DPYD: variants seen among roughly 807,000 people sequenced by gnomAD.
DPYD encodes dihydropyrimidine dehydrogenase.
DPYD carries 109 observed loss-of-function variants against 116.2 expected under a neutral mutation model. The ratio of observed to expected loss-of-function variants is 0.94; its 90% CI spans 0.80 to 1.10. DPYD has a LOEUF of 1.10. DPYD is among the 50% of genes least tolerant of loss of function. The pLI, the probability that DPYD is intolerant of heterozygous loss-of-function variation, is 0.00. For synonymous variants in DPYD, 440 were observed against 432.0 expected, an observed-to-expected ratio of 1.02 and a Z score of -0.23; for missense variants, 1,302 against 1,254.5, an observed-to-expected ratio of 1.04 and a Z score of -0.57.
chr1:97,117,425 G>C (rs1188566373), intron 20 of DPYD, among the ~76,000 whole-genome samples: 1 of 152,104 alleles, frequency 6.6e-6, no homozygotes, highest in East Asian at 1.9e-4. Context: ...AACTGCAGAG[G>C]ACATTTACAG....
At chr1:97,873,027 G>A (rs1671735308) in intron 2 of DPYD, among the ~76,000 whole-genome samples, 1 of 151,662 alleles carries the variant, frequency 6.6e-6, no homozygotes, top group Non-Finnish European at 1.5e-5. Context: ...TCCTCAGGGA[G>A]GCCAACCTTG....
intron 12 of DPYD, among the ~76,000 whole-genome samples, chr1:97,518,322 G>C (rs376462233): frequency 2.7e-4 from 41 of 152,144 alleles, no homozygotes; most frequent in East Asian, 2.3e-3. Flanking sequence ...GTCATAGGCA[G>C]TCTTTTTTCA....
At chr1:97,310,169 C>T (rs1667417240) in intron 16 of DPYD, among the ~76,000 whole-genome samples, 2 of 151,702 alleles carry the variant, frequency 1.3e-5, no homozygotes, top group Non-Finnish European at 2.9e-5. Flanking sequence ...AAATCCACTG[C>T]AAAATTTTAC....
At chr1:97,714,464 C>T (rs1293389159) in intron 5 of DPYD, among the ~76,000 whole-genome samples, 1 of 151,882 alleles carries the variant, frequency 6.6e-6, no homozygotes, top group African/African-American at 2.4e-5. Flanking sequence ...CTGCCTCGGC[C>T]TCCCAAAATG....
intron 19 of DPYD, among the ~76,000 whole-genome samples, chr1:97,218,400 C>T (rs1660555543): frequency 6.6e-6 from 1 of 151,750 alleles, no homozygotes; most frequent in South Asian, 2.1e-4. Context: ...TAAGGTAGAG[C>T]AATTCAGCTT....
chr1:97,800,554 C>G (rs976595435), intron 3 of DPYD, among the ~76,000 whole-genome samples: 2 of 151,962 alleles, frequency 1.3e-5, no homozygotes, highest in East Asian at 3.9e-4. Context: ...TTAAAACTTT[C>G]CTCTTTCTCT....
chr1:97,275,319 C>T (rs1664865035), intron 18 of DPYD, among the ~76,000 whole-genome samples: 2 of 152,194 alleles, frequency 1.3e-5, no homozygotes, highest in Non-Finnish European at 2.9e-5. Context: ...GAAGTGATCA[C>T]TCCCCCATGG....
At chr1:97,308,892 T>G (rs1195501905) in intron 16 of DPYD, among the ~76,000 whole-genome samples, 1 of 151,752 alleles carries the variant, frequency 6.6e-6, no homozygotes, top group Non-Finnish European at 1.5e-5. Flanking sequence ...CCATTACCAA[T>G]ACATACAAGG....
intron 3 of DPYD, among the ~76,000 whole-genome samples, chr1:97,793,435 G>A (rs1667412934): frequency 6.6e-6 from 1 of 152,112 alleles, no homozygotes; most frequent in African/African-American, 2.4e-5. Flanking sequence ...AACTAACTTT[G>A]AGAACTATAA....
chr1:97,218,003 A>G (rs1471249200), intron 19 of DPYD, among the ~76,000 whole-genome samples: 3 of 152,240 alleles, frequency 2.0e-5, no homozygotes, highest in Non-Finnish European at 2.9e-5. Flanking sequence ...AGGTTAAATA[A>G]TTAGCCCAAA....
intron 14 of DPYD, among the ~76,000 whole-genome samples, chr1:97,424,221 T>C (rs539113017): frequency 6.6e-5 from 10 of 152,226 alleles, no homozygotes; most frequent in African/African-American, 2.2e-4. Flanking sequence ...GGAAAGGATA[T>C]GTGAAAACCC....
chr1:97,136,028 C>T (rs1402226535), intron 20 of DPYD, among the ~76,000 whole-genome samples: 1 of 152,068 alleles, frequency 6.6e-6, no homozygotes, highest in Non-Finnish European at 1.5e-5. Context: ...AACCAAGGCC[C>T]GAGGAGTTAC....
intron 22 of DPYD, among the ~76,000 whole-genome samples, chr1:97,081,717 C>CTTTTTT (rs371355751): frequency 5.9e-5 from 8 of 136,470 alleles, no homozygotes; most frequent in East Asian, 2.2e-4. Flanking sequence ...CTTTTCTTTT[C>CTTTTTT]TTTTTTTTTT....
At chr1:97,370,679 C>T (rs1671270999) in intron 16 of DPYD, among the ~76,000 whole-genome samples, 1 of 151,926 alleles carries the variant, frequency 6.6e-6, no homozygotes, top group Admixed American at 6.6e-5. Context: ...TAACAGTAGC[C>T]TGCTATTTTT....
chr1:97,592,243 A>C lies in DPYD; in HGVS notation c.1128+975T>G, dbSNP rs551652513. Among the ~76,000 whole-genome samples the C allele has an allele frequency of 3.9e-5, 6 of 152,342 alleles. No individual in the cohort carries two copies. The South Asian group carries it at 1.2e-3, about 32-fold the overall frequency. ...CTTGTTCTCAGAACTAATATTCTTT[A>C]TAAGGTATTATATTTCTCTAATAGC... On this transcript the variant is annotated intron_variant, in intron 10 of 22. Transcript: ENST00000370192.
intron 8 of DPYD, among the ~76,000 whole-genome samples, chr1:97,621,700 A>G (rs1018747898): frequency 3.3e-5 from 5 of 152,170 alleles, no homozygotes; most frequent in African/African-American, 1.2e-4. Flanking sequence ...CCATTATCCA[A>G]TAAAAGAAAT....
chr1:97,708,548 C>T (rs185059507), intron 5 of DPYD, among the ~76,000 whole-genome samples: 5 of 152,118 alleles, frequency 3.3e-5, no homozygotes, highest in African/African-American at 1.2e-4. Flanking sequence ...TTGATTACTG[C>T]AGCTTTACAG....
chr1:97,861,321 A>C (rs1403317629), intron 2 of DPYD, among the ~76,000 whole-genome samples: 1 of 151,970 alleles, frequency 6.6e-6, no homozygotes, highest in Non-Finnish European at 1.5e-5. Context: ...CATTGTAAAG[A>C]CTTACCAAGT....
At chr1:97,546,184 G>C (rs752281821) in intron 12 of DPYD, 40 of 1,492,704 alleles carry the variant, frequency 2.7e-5, no homozygotes, top group Middle Eastern at 1.7e-4. Context: ...GATGGGCAGG[G>C]TGAAACTAAC....
Sources: allele counts gnomAD v4.1 joint callset (sites outside exome capture counted in the v4.1 genomes callset), GRCh38; gene constraint gnomAD v4.1.1; transcripts MANE v1.5; gene names NCBI Gene and HGNC (gene_info 2026-07-23, HGNC 2026-07-21).